Variants in SEC14L1 observed in about 807,000 individuals in gnomAD.
SEC14L1 encodes the protein SEC14 like lipid binding 1, also known as SEC14-like protein 1.
A neutral mutation model predicts 85.3 loss-of-function variants in SEC14L1; 48 were observed. The ratio of observed to expected loss-of-function variants is 0.56; its 90% CI spans 0.45 to 0.72. SEC14L1 has a LOEUF of 0.72. Among genes scored for constraint, SEC14L1 ranks in the 30% least tolerant of loss-of-function variants. The pLI, the probability that SEC14L1 is intolerant of heterozygous loss-of-function variation, is 0.00. For synonymous variants in SEC14L1, 391 were observed against 355.5 expected (o/e 1.10, Z -1.12); for missense variants, 682 against 921.4 (o/e 0.74, Z 3.36).
intron 5 of SEC14L1, among the ~76,000 whole-genome samples, chr17:77,191,667 C>G (rs769168533): frequency 6.6e-6 from 1 of 152,114 alleles, no homozygotes; most frequent in Non-Finnish European, 1.5e-5. Context: ...CTCAGCCTCC[C>G]TAGTAGTTCG....
At chr17:77,120,392 C>T (rs752569753) in intron 3 of SEC14L1, among the ~76,000 whole-genome samples, 3 of 152,014 alleles carry the variant, frequency 2.0e-5, no homozygotes, top group African/African-American at 7.2e-5. Context: ...TCTAGAACGT[C>T]GCTGTGTGTC....
At chr17:77,205,251 A>T (rs969975241) in intron 10 of SEC14L1, 25 bp from the exon 11 acceptor site, 3 of 1,607,984 alleles carry the variant, frequency 1.9e-6, no homozygotes, top group Admixed American at 1.7e-5. Context: ...AATCATGGTA[A>T]ATTTTCATGC....
Position 77,096,282 on chromosome 17 carries a change from G to A in SEC14L1, c.-136+2935G>A, listed in dbSNP as rs534239447. ...TAAGGTTAAAAATCACTATGAGGCT[G>A]GGTGTGGTGGCTCAAACCTGTAATC... On this transcript the variant is annotated intron_variant, in intron 3 of 19. Coordinates refer to the SEC14L1 transcript ENST00000392476. Among the ~76,000 whole-genome samples the A allele has an allele frequency of 3.9e-5, 6 of 151,906 alleles. No individual in the cohort carries two copies. The South Asian group carries it at 1.2e-3, about 32-fold the overall frequency.
chr17:77,212,265 G>C (rs371831498), intron 15 of SEC14L1, 64 bp downstream of exon 15: 5 of 1,581,676 alleles, frequency 3.2e-6, no homozygotes, highest in Non-Finnish European at 8.6e-7. Context: ...ATTCTGTCTT[G>C]AGTAGACTCT....
At chr17:77,126,066 G>A (rs1012283721) in intron 3 of SEC14L1, among the ~76,000 whole-genome samples, 2 of 152,174 alleles carry the variant, frequency 1.3e-5, no homozygotes, top group Admixed American at 6.5e-5. Flanking sequence ...CAGGAGAATC[G>A]CTGGAACCCA....
intron 8 of SEC14L1, among the ~76,000 whole-genome samples, chr17:77,198,402 T>C (rs567624432): frequency 2.0e-5 from 3 of 152,284 alleles, no homozygotes; most frequent in South Asian, 2.1e-4. Context: ...ACTAGCGAAG[T>C]CCAGTCACAT....
intron 3 of SEC14L1, among the ~76,000 whole-genome samples, chr17:77,177,471 G>A (rs1221455632): frequency 1.3e-5 from 2 of 151,028 alleles, no homozygotes; most frequent in Non-Finnish European, 2.9e-5. Flanking sequence ...AAGTTTCCAG[G>A]TAGTCTTGGC....
chr17:77,089,503 A>G, intron 2 of SEC14L1: 1 of 513,880 alleles, frequency 1.9e-6, no homozygotes, highest in Non-Finnish European at 3.9e-6. Context: ...ACCTACGTTT[A>G]AAGAAAATGG....
chr17:77,131,700 T>C (rs1972618248), intron 3 of SEC14L1, among the ~76,000 whole-genome samples: 1 of 152,228 alleles, frequency 6.6e-6, no homozygotes, highest in Non-Finnish European at 1.5e-5. Flanking sequence ...AAAATCATTC[T>C]GGACAAATGA....
Position 77,102,364 on chromosome 17 carries a change from G to A in SEC14L1, c.-136+9017G>A, listed in dbSNP as rs551539170. Among the ~76,000 whole-genome samples, 342 of 152,292 alleles carry A rather than the reference G, an allele frequency of 2.2e-3. 1 individual carries two copies. Among genetic ancestry groups the A allele is most frequent in the African/African-American group, 7.9e-3 (328 of 41,570 alleles). ...GTGGCTCAGGTCCTTGGGGAAACAT[G>A]ACTTGAGTTGGGGGAAACTGGCAGG... On this transcript the variant is annotated intron_variant, in intron 3 of 19. Transcript: ENST00000392476.
At chr17:77,154,003 TGTATCCTTGTGTTCTGCAC>T (rs546097577) in intron 3 of SEC14L1, among the ~76,000 whole-genome samples, 4 of 152,356 alleles carry the variant, frequency 2.6e-5, no homozygotes, top group African/African-American at 9.6e-5. Context: ...AGCAGCCCTC[TGTATCCTTGTGTTCTGCAC>T]CCACAGATAC....
chr17:77,193,307 T>C, intron 5 of SEC14L1, 114 bp from the exon 6 acceptor site: 1 of 987,214 alleles, frequency 1.0e-6, no homozygotes, highest in Non-Finnish European at 1.4e-6. Context: ...TTTATGGTAG[T>C]AGCATTGTTA....
intron 15 of SEC14L1, among the ~76,000 whole-genome samples, chr17:77,212,450 G>C (rs931914357): frequency 1.3e-5 from 2 of 152,186 alleles, no homozygotes; most frequent in Non-Finnish European, 2.9e-5. Flanking sequence ...AGGAAGGGAA[G>C]GCATCGCACG....
At chr17:77,128,451 T>G in intron 3 of SEC14L1, among the ~76,000 whole-genome samples, 2 of 139,930 alleles carry the variant, frequency 1.4e-5, no homozygotes, top group Admixed American at 7.4e-5. Flanking sequence ...TTTTATTTTA[T>G]TTTATTATGT....
rs1977036231 is a variant in SEC14L1 at position 77,215,981 on chromosome 17, GTAGGTAGGGC to G, written c.*1962_*1971del. The G allele has an allele frequency of 1.1e-6, 1 of 894,140 alleles. No homozygotes were observed. The highest frequency in any genetic ancestry group is 1.3e-6 in the Non-Finnish European group (1 of 768,934). 55.4% of individuals were successfully genotyped at this position (894,140 alleles called of 1,614,324 possible). A position where few individuals can be genotyped will look rare whatever the true frequency, so the allele number is the denominator to read the frequency against. On this transcript the variant is annotated 3_prime_UTR_variant, in exon 17 of 17. Coordinates refer to ENST00000436233, the MANE Select transcript of SEC14L1 (RefSeq NM_001143998.2). ...TAGGTAGGGTTCGTAGGTAGGGTTA[GTAGGTAGGGC>G]TAGTAGGTAGGGTTCGTAGGTAGGG...
rs533237131 is a variant in SEC14L1, at chr17:77,153,515, T to C, written c.63+9856T>C. 3.7e-4 allele frequency among the ~76,000 whole-genome samples: 57 copies of C among 152,376 alleles called. 1 individual carries two copies. Among genetic ancestry groups the C allele is most frequent in the African/African-American group, 1.3e-3 (56 of 41,586 alleles). On this transcript the variant is annotated intron_variant, in intron 3 of 16. Transcript: ENST00000436233. Reference sequence around the variant, plus strand: ...TTTCCCAAATTAAACTAGGCCATTCTATTTATGGTTACTCCTTATTTATTT... The same window carrying C: ...TTTCCCAAATTAAACTAGGCCATTCCATTTATGGTTACTCCTTATTTATTT...
intron 10 of SEC14L1, among the ~76,000 whole-genome samples, chr17:77,204,778 A>G (rs1976379814): frequency 6.6e-6 from 1 of 152,006 alleles, no homozygotes. Context: ...GTGTTTATAT[A>G]TCCCCACATG....
intron 3 of SEC14L1, among the ~76,000 whole-genome samples, chr17:77,134,360 C>T (rs8065202): frequency 0.19 from 28,118 of 151,854 alleles, 2,846 homozygotes; most frequent in Middle Eastern, 0.27. Context: ...AGTGATCCTA[C>T]TGGCTCAGCC....
intron 3 of SEC14L1, among the ~76,000 whole-genome samples, chr17:77,155,319 C>A (rs973933493): frequency 1.3e-5 from 2 of 152,148 alleles, no homozygotes; most frequent in Non-Finnish European, 2.9e-5. Context: ...GAAACAAACA[C>A]ACACCCACAC....
Sources: allele counts gnomAD v4.1 joint callset (sites outside exome capture counted in the v4.1 genomes callset), GRCh38; gene constraint gnomAD v4.1.1; transcripts MANE v1.5; gene names NCBI Gene and HGNC (gene_info 2026-07-23, HGNC 2026-07-21).